HMGA1: variants seen among roughly 807,000 people sequenced by gnomAD.
HMGA1 encodes the protein high mobility group AT-hook 1, also known as high mobility group protein HMG-I/HMG-Y.
Under a neutral mutation model 15.1 loss-of-function variants are expected in HMGA1, and 1 was observed. That is an observed-to-expected ratio of 0.07 (90% CI 0.02 to 0.31). HMGA1 has a LOEUF of 0.31. Ranked by LOEUF, HMGA1 falls within the 10% of genes least tolerant of loss-of-function variation. The pLI, the probability that HMGA1 is intolerant of heterozygous loss-of-function variation, is 1.00. For synonymous variants in HMGA1, 56 were observed against 54.8 expected (o/e 1.02, Z -0.10); for missense variants, 94 against 141.4 (o/e 0.66, Z 1.70).
At chr6:34,239,350 C>T (rs1413746296) in intron 2 of HMGA1, among the ~76,000 whole-genome samples, 1 of 144,414 alleles carries the variant, frequency 6.9e-6, no homozygotes, top group African/African-American at 2.4e-5. Context: ...CTCAAGCAGT[C>T]CTCCTGCTTT....
At chr6:34,238,437 C>A (rs376283984) in intron 2 of HMGA1, among the ~76,000 whole-genome samples, 3 of 152,198 alleles carry the variant, frequency 2.0e-5, no homozygotes, top group African/African-American at 7.2e-5. Context: ...TCTTCCTGCT[C>A]GCCAACTTGC....
chr6:34,240,952 T>C, intron 3 of HMGA1, 37 bp downstream of exon 3: 1 of 1,612,736 alleles, frequency 6.2e-7, no homozygotes, highest in Non-Finnish European at 8.5e-7. Context: ...TGGTTTACCC[T>C]TTGGGGCTAG....
In HMGA1 at chr6:34,245,917, G is replaced by T; in HGVS notation, c.*1033G>T. ...ACATCCGTCATTGCTGCTGCTACCA[G>T]CGCCAAATGTTCATCCTCATTGCCT... On this transcript the variant is annotated 3_prime_UTR_variant, in exon 6 of 6. Transcript: ENST00000311487. 1 of 309,050 alleles carries T rather than the reference G, an allele frequency of 3.2e-6. No homozygotes were observed. The highest frequency in any genetic ancestry group is 6.1e-6 in the Non-Finnish European group (1 of 162,776). 19.1% of individuals were successfully genotyped at this position (309,050 alleles called of 1,614,324 possible).
Position 34,244,682 on chromosome 6 carries a change from G to A in HMGA1, c.271-149G>A, listed in dbSNP as rs930091045. The A allele has an allele frequency of 2.4e-4, 172 of 713,312 alleles. 3 individuals are homozygous for A. In the East Asian group the frequency reaches 4.5e-3, roughly 19 times the overall value. The allele number at this position is 713,312 out of a possible 1,614,324, so 44.2% of individuals were successfully genotyped here. ...TTCTTTTTATGAATGAAGCCGGGCC[G>A]TGGAGGTTGCTGAGTCACCCACACA... On this transcript the variant is annotated intron_variant, in intron 5 of 5. Transcript: ENST00000311487.
intron 4 of HMGA1, 113 bp downstream of exon 4, chr6:34,242,908 G>T (rs1762415982): frequency 1.3e-6 from 1 of 771,136 alleles, no homozygotes; most frequent in Non-Finnish European, 2.3e-6. Flanking sequence ...CATCTCAGTT[G>T]TGTACCCCCT....
intron 2 of HMGA1, 129 bp downstream of exon 2, chr6:34,237,446 G>A (rs1268091497): frequency 7.0e-6 from 1 of 143,740 alleles, no homozygotes; most frequent in Non-Finnish European, 1.5e-5. Flanking sequence ...CCAGGCCGGG[G>A]CGGCGCGAGC....
In HMGA1 at chr6:34,245,419, G is replaced by A; in HGVS notation, c.*535G>A. The A allele has an allele frequency of 7.3e-7, 1 of 1,362,456 alleles. No individual in the cohort carries two copies. 84.4% of individuals were successfully genotyped at this position (1,362,456 alleles called of 1,614,324 possible). A position where few individuals can be genotyped will look rare whatever the true frequency, so the allele number is the denominator to read the frequency against. On this transcript the variant is annotated 3_prime_UTR_variant, in exon 6 of 6. Transcript: ENST00000311487. ...AATGGAGGGGGGTGCTGGCCCCCAG[G>A]ATTCCCCCAGCCAAACTGTCTTTGT...
rs553813535 is a variant in HMGA1, at chr6:34,245,671, C to G, written c.*787C>G. On this transcript the variant is annotated 3_prime_UTR_variant, in exon 6 of 6. Coordinates refer to ENST00000311487, the MANE Select transcript of HMGA1 (RefSeq NM_145899.3). ...GGCCCAAGAGCCCTGTGGCCGCCAC[C>G]TGAGGTGGGCTGGGGCTGCTCCCCT... 2 of 1,270,128 alleles carry G rather than the reference C, an allele frequency of 1.6e-6. No homozygotes were observed. The highest frequency in any genetic ancestry group is 4.7e-5 in the Admixed American group (2 of 42,904). 78.7% of individuals were successfully genotyped at this position (1,270,128 alleles called of 1,614,324 possible). A position where few individuals can be genotyped will look rare whatever the true frequency, so the allele number is the denominator to read the frequency against.
intron 1 of HMGA1, 76 bp from the exon 2 acceptor site, chr6:34,237,128 A>G (rs1245371741): frequency 6.6e-6 from 1 of 151,554 alleles, no homozygotes; most frequent in African/African-American, 2.4e-5. Flanking sequence ...TGACACATAA[A>G]TACCCCGCGG....
At chr6:34,239,684 A>G (rs1160867504) in intron 2 of HMGA1, among the ~76,000 whole-genome samples, 1 of 73,398 alleles carries the variant, frequency 1.4e-5, no homozygotes, top group Non-Finnish European at 3.8e-5. Context: ...TAGCCTGGGG[A>G]TAAGGACTAG....
chr6:34,238,558 C>A (rs564714851), intron 2 of HMGA1, among the ~76,000 whole-genome samples: 1 of 152,146 alleles, frequency 6.6e-6, no homozygotes, highest in Admixed American at 6.5e-5. Context: ...CTGCAGAGTC[C>A]TTAAGTATTT....
At chr6:34,241,278 G>T (rs1474978101) in intron 3 of HMGA1, among the ~76,000 whole-genome samples, 1 of 152,168 alleles carries the variant, frequency 6.6e-6, no homozygotes, top group East Asian at 1.9e-4. Flanking sequence ...AAAGACGAAT[G>T]AACAAAAATG....
At chr6:34,237,707 G>GA in intron 2 of HMGA1, among the ~76,000 whole-genome samples, 1 of 150,966 alleles carries the variant, frequency 6.6e-6, no homozygotes, top group Non-Finnish European at 1.5e-5. Context: ...GCCCGAGCCC[G>GA]GGCCCGGGTG....
Position 34,240,729 on chromosome 6 carries a change from T to G in HMGA1, c.-44-8T>G, listed in dbSNP as rs1762234961. 1 of 1,608,728 alleles carries G rather than the reference T, an allele frequency of 6.2e-7. No individual in the cohort carries two copies. Among genetic ancestry groups the G allele is most frequent in the East Asian group, 2.2e-5 (1 of 44,830 alleles). On this transcript the variant is annotated splice_polypyrimidine_tract_variant and splice_region_variant and intron_variant, in intron 2 of 5. Transcript: ENST00000311487. Reference sequence around the variant, plus strand: ...ATGTTTGTCTAAAAGCACTTTTCTGTCTCCCAGCATCCCAGCCATCACTCT... The same window carrying G: ...ATGTTTGTCTAAAAGCACTTTTCTGGCTCCCAGCATCCCAGCCATCACTCT...
intron 2 of HMGA1, 140 bp from the exon 3 acceptor site, chr6:34,240,597 C>T (rs1762222567): frequency 9.9e-6 from 7 of 710,180 alleles, no homozygotes; most frequent in Non-Finnish European, 1.7e-5. Flanking sequence ...GGGCAGACCC[C>T]TCCATCCTGG....
intron 2 of HMGA1, 137 bp from the exon 3 acceptor site, chr6:34,240,600 C>T: frequency 1.4e-6 from 1 of 716,612 alleles, no homozygotes; most frequent in Non-Finnish European, 2.4e-6. Context: ...CAGACCCCTC[C>T]ATCCTGGGCA....
At chr6:34,244,221 A>AG (rs1762534116) in intron 5 of HMGA1, among the ~76,000 whole-genome samples, 1 of 152,130 alleles carries the variant, frequency 6.6e-6, no homozygotes, top group African/African-American at 2.4e-5. Context: ...AGTGAGTAAC[A>AG]GGAAACAAGT....
intron 2 of HMGA1, among the ~76,000 whole-genome samples, chr6:34,238,418 G>T (rs993257505): frequency 6.6e-6 from 1 of 152,246 alleles, no homozygotes; most frequent in Non-Finnish European, 1.5e-5. Flanking sequence ...GGGTCTCCGG[G>T]AACCTACTTC....
At chr6:34,244,736 G>A in intron 5 of HMGA1, 95 bp from the exon 6 acceptor site, 1 of 994,424 alleles carries the variant, frequency 1.0e-6, no homozygotes, top group Admixed American at 2.0e-5. Context: ...CTCTTCAGGA[G>A]AGCCAGGGAG....
Sources: allele counts gnomAD v4.1 joint callset (sites outside exome capture counted in the v4.1 genomes callset), GRCh38; gene constraint gnomAD v4.1.1; transcripts MANE v1.5; gene names NCBI Gene and HGNC (gene_info 2026-07-23, HGNC 2026-07-21).